The following ME3 variants were observed in gnomAD, a reference collection of about 807,000 sequenced individuals.
ME3 encodes malic enzyme 3, also known as NADP-dependent malic enzyme, mitochondrial.
In ME3, 48 loss-of-function variants were observed where a neutral mutation model predicts 68.9. The observed-to-expected ratio is 0.70, with a 90% CI of 0.55 to 0.89. The LOEUF (loss-of-function observed/expected upper bound fraction) is 0.89, where lower values mean the gene tolerates loss of function less well. Ranked by LOEUF, ME3 falls within the 40% of genes least tolerant of loss-of-function variation. ME3 has a pLI of 0.00. For synonymous variants in ME3, 320 were observed against 318.8 expected (o/e 1.00, Z -0.04); for missense variants, 675 against 797.4 (o/e 0.85, Z 1.85).
At chr11:86,604,139 A>C (rs1489431293) in intron 2 of ME3, among the ~76,000 whole-genome samples, 1 of 151,878 alleles carries the variant, frequency 6.6e-6, no homozygotes, top group Non-Finnish European at 1.5e-5. Context: ...AATAGATAGG[A>C]GTGTCTGGGT....
chr11:86,552,722 G>A (rs1205475961), intron 4 of ME3, among the ~76,000 whole-genome samples: 3 of 152,078 alleles, frequency 2.0e-5, no homozygotes, highest in Non-Finnish European at 4.4e-5. Flanking sequence ...GTAGTCCTCT[G>A]CCCTCCAGCT....
At chr11:86,560,701 G>T (rs1957161833) in intron 2 of ME3, among the ~76,000 whole-genome samples, 1 of 117,860 alleles carries the variant, frequency 8.5e-6, no homozygotes. Context: ...TGTATATAAT[G>T]ATATGTGTGT....
intron 2 of ME3, among the ~76,000 whole-genome samples, chr11:86,651,816 G>A (rs555774742): frequency 7.0e-4 from 107 of 152,268 alleles, no homozygotes; most frequent in African/African-American, 2.4e-3. Flanking sequence ...GAGGAAGTTC[G>A]AACCCATGGC....
intron 2 of ME3, among the ~76,000 whole-genome samples, chr11:86,588,029 G>A (rs1277863736): frequency 2.0e-5 from 3 of 152,110 alleles, no homozygotes; most frequent in Non-Finnish European, 4.4e-5. Context: ...ATTCCACAAG[G>A]TCACCAGAAG....
intron 7 of ME3, among the ~76,000 whole-genome samples, chr11:86,475,888 GAGAGAGAGAGAGAAAGAGAA>G (rs947338898): frequency 6.8e-6 from 1 of 146,182 alleles, no homozygotes; most frequent in African/African-American, 2.6e-5. Context: ...GAGAGAGAGA[GAGAGAGAGAGAGAAAGAGAA>G]AGAGAGAGAG....
At chr11:86,636,192 G>C (rs1944322178) in intron 2 of ME3, among the ~76,000 whole-genome samples, 1 of 152,116 alleles carries the variant, frequency 6.6e-6, no homozygotes, top group Admixed American at 6.5e-5. Context: ...TCTGGTTTGA[G>C]ACTTTCTGGG....
At chr11:86,444,785 T>C (rs1192594029) in intron 13 of ME3, among the ~76,000 whole-genome samples, 1 of 152,196 alleles carries the variant, frequency 6.6e-6, no homozygotes, top group Non-Finnish European at 1.5e-5. Flanking sequence ...TAATTTTCCA[T>C]GGGAAAATCA....
chr11:86,592,913 G>A (rs915598116), intron 2 of ME3, among the ~76,000 whole-genome samples: 3 of 152,166 alleles, frequency 2.0e-5, no homozygotes, highest in African/African-American at 7.2e-5. Flanking sequence ...CTGCATTTGA[G>A]TCCTGGCTCC....
chr11:86,545,083 T>A (rs1419527602), intron 4 of ME3, among the ~76,000 whole-genome samples: 1 of 151,856 alleles, frequency 6.6e-6, no homozygotes, highest in East Asian at 1.9e-4. Context: ...CACATGATTA[T>A]CTCAATAGAT....
chr11:86,559,822 C>G, exon 3 of ME3: 1 of 1,613,282 alleles, frequency 6.2e-7, no homozygotes. Context: ...AAAGGCCATC[C>G]CCTGGGAAAA....
At chr11:86,506,334 A>T (rs969124480) in intron 5 of ME3, among the ~76,000 whole-genome samples, 1 of 152,210 alleles carries the variant, frequency 6.6e-6, no homozygotes, top group Admixed American at 6.5e-5. Flanking sequence ...TGTTTATTGA[A>T]GTCAATAGAT....
intron 2 of ME3, among the ~76,000 whole-genome samples, chr11:86,630,408 C>T (rs139072393): frequency 6.9e-4 from 105 of 152,296 alleles, no homozygotes; most frequent in African/African-American, 2.4e-3. Flanking sequence ...AGAGCCTCTC[C>T]TGTATCCTTC....
chr11:86,588,367 C>T (rs1197248752), intron 2 of ME3, among the ~76,000 whole-genome samples: 1 of 152,196 alleles, frequency 6.6e-6, no homozygotes, highest in African/African-American at 2.4e-5. Flanking sequence ...TGTTTGCTAA[C>T]ACACATTAAT....
At chr11:86,457,644 A>T (rs987752731) in intron 8 of ME3, 2 of 1,279,840 alleles carry the variant, frequency 1.6e-6, no homozygotes, top group South Asian at 2.5e-5. Flanking sequence ...CTGGAAAGGA[A>T]GCTACTTAGC....
chr11:86,601,437 G>T (rs975903700), intron 2 of ME3, among the ~76,000 whole-genome samples: 5 of 151,986 alleles, frequency 3.3e-5, no homozygotes, highest in Non-Finnish European at 7.4e-5. Context: ...CCAATAACAG[G>T]CTCTGAAATT....
At chr11:86,479,985 T>G (rs1024742048) in intron 7 of ME3, among the ~76,000 whole-genome samples, 1 of 152,130 alleles carries the variant, frequency 6.6e-6, no homozygotes, top group African/African-American at 2.4e-5. Flanking sequence ...TGGCTAATTT[T>G]TTTTTGTATT....
intron 8 of ME3, among the ~76,000 whole-genome samples, chr11:86,456,522 C>G (rs79870166): frequency 0.081 from 12,382 of 152,022 alleles, 937 homozygotes; most frequent in African/African-American, 0.2. Flanking sequence ...GCAAGGAAAC[C>G]TGGGGGTTTC....
intron 4 of ME3, among the ~76,000 whole-genome samples, chr11:86,540,633 T>C (rs1955986209): frequency 6.6e-6 from 1 of 152,186 alleles, no homozygotes; most frequent in Admixed American, 6.5e-5. Context: ...ATGTTACCAC[T>C]TCAGAGCACA....
chr11:86,492,742 G>A (rs1049085549), intron 6 of ME3, among the ~76,000 whole-genome samples: 2 of 152,228 alleles, frequency 1.3e-5, no homozygotes, highest in East Asian at 1.9e-4. Context: ...TCTGCCTCCC[G>A]TAAGGTTTTT....
Sources: gnomAD v4.1 joint callset for allele counts (sites outside exome capture counted in the v4.1 genomes callset) on GRCh38, gnomAD v4.1.1 for gene constraint, MANE v1.5 for transcripts, NCBI Gene and HGNC (gene_info 2026-07-23, HGNC 2026-07-21) for gene names.